CCDC74B: variants seen among roughly 807,000 people sequenced by gnomAD.
The protein encoded by CCDC74B is coiled-coil domain containing 74B, also known as coiled-coil domain-containing protein 74B.
CCDC74B carries 34 observed loss-of-function variants against 38.0 expected under a neutral mutation model. That is an observed-to-expected ratio of 0.89 (90% CI 0.68 to 1.19). CCDC74B has a LOEUF of 1.19. Among genes scored for constraint, CCDC74B ranks in the 50% most tolerant of loss-of-function variants. CCDC74B has a pLI of 0.00. For missense variants in CCDC74B, 358 were observed against 406.0 expected (o/e 0.88, Z 1.02); for synonymous variants, 132 against 170.4 (o/e 0.77, Z 1.76).
chr2:130,144,654 T>C, intron 1 of CCDC74B, 93 bp downstream of exon 1: 2 of 1,556,316 alleles, frequency 1.3e-6, no homozygotes, highest in Non-Finnish European at 1.7e-6. Flanking sequence ...AGGCGTGTGC[T>C]GGAGTTGATG....
intron 4 of CCDC74B, chr2:130,140,578 T>C: frequency 1.7e-6 from 1 of 573,030 alleles, no homozygotes. Context: ...GCCCTAAGGG[T>C]CAGATGGGCT....
rs527648742 is a variant in CCDC74B at position 130,145,104 on chromosome 2, A to G, written c.-108T>C. ...TGGAAACCGGGCGACGGAGGGCGCCAGGCGTTTGGCGGGGGCGGGGCCTGT... is the reference window on the plus strand; with the variant it reads ...TGGAAACCGGGCGACGGAGGGCGCCGGGCGTTTGGCGGGGGCGGGGCCTGT... On this transcript the variant is annotated 5_prime_UTR_variant, in exon 1 of 8. Coordinates refer to ENST00000409943, the MANE Select transcript of CCDC74B (RefSeq NM_001258307.2). 4.3e-6 allele frequency: 6 copies of G among 1,399,316 alleles called. No homozygotes were observed. Among genetic ancestry groups the G allele is most frequent in the Non-Finnish European group, 5.6e-6 (6 of 1,079,094 alleles). The allele number at this position is 1,399,316 out of a possible 1,614,324, so 86.7% of individuals were successfully genotyped here.
chr2:130,143,657 A>G (rs895485371), intron 1 of CCDC74B, among the ~76,000 whole-genome samples: 1 of 152,176 alleles, frequency 6.6e-6, no homozygotes, highest in Non-Finnish European at 1.5e-5. Context: ...TCCCGTGGGC[A>G]TCAGGGACTG....
chr2:130,140,039 C>T lies in CCDC74B; in HGVS notation c.736G>A (p.Glu246Lys). The T allele has an allele frequency of 6.2e-7, 1 of 1,607,602 alleles. No homozygotes were observed. Among genetic ancestry groups the T allele is most frequent in the Non-Finnish European group, 8.5e-7 (1 of 1,177,466 alleles). Reference sequence around the variant, plus strand: ...GGCACTCACCTGGGAAAGCTAGCTTCCTCCGGGACTGCCTGGGGCCTCTGG... The same window carrying T: ...GGCACTCACCTGGGAAAGCTAGCTTTCTCCGGGACTGCCTGGGGCCTCTGG... Reference protein sequence around the residue: ...GSQRPQAVPEEASFPRDQEAT... With the variant: ...GSQRPQAVPEKASFPRDQEAT... Residue 246 changes from glutamate (E) to lysine (K), a missense_variant, in exon 6 of 8, where the codon GAA becomes AAA. This residue lies in a region of CCDC74B where 213 missense variants were observed against 212.3 expected (regional missense o/e 1.00). Transcript: ENST00000409943.
At chr2:130,143,941 A>AG (rs1351128074) in intron 1 of CCDC74B, among the ~76,000 whole-genome samples, 6 of 120,308 alleles carry the variant, frequency 5.0e-5, no homozygotes, top group Admixed American at 1.9e-4. Flanking sequence ...GGAGGGAGAA[A>AG]GGGGGGCGTG....
rs536196687 is a variant in CCDC74B at position 130,142,407 on chromosome 2, C to T, written c.296-224G>A. 2.1e-5 allele frequency: 34 copies of T among 1,613,530 alleles called. No homozygotes were observed. In the South Asian group the frequency reaches 3.4e-4, roughly 16 times the overall value. On this transcript the variant is annotated intron_variant, in intron 2 of 7. Transcript: ENST00000409943. The stretch of plus-strand genomic sequence containing the variant: ...CTGGAAAGCAGGAGGGCTTGGGACA[C>T]ATGGAACAGCAGGTCCCGAGGGAGA...
intron 2 of CCDC74B, chr2:130,142,683 T>G: frequency 6.5e-7 from 1 of 1,544,386 alleles, no homozygotes; most frequent in Non-Finnish European, 8.7e-7. Context: ...GCCCCAAAGA[T>G]AACGGGAAGT....
chr2:130,140,285 T>C lies in CCDC74B; in HGVS notation c.572A>G (p.His191Arg). The C allele has an allele frequency of 4.3e-6, 7 of 1,612,812 alleles. No homozygotes were observed. Among genetic ancestry groups the C allele is most frequent in the Non-Finnish European group, 5.9e-6 (7 of 1,179,530 alleles). Residue 191 changes from histidine (H) to arginine (R), a missense_variant, in exon 5 of 8, where the codon CAC becomes CGC. Coordinates refer to ENST00000409943, the MANE Select transcript of CCDC74B (RefSeq NM_001258307.2). ...HQGRQMGAAA[H>R]PPMILPLPLR... ...GGGAAGGGGCAGGATCATTGGGGGG[T>C]GTGCCGCCGCCCCCATCTGCCTGCC...
chr2:130,144,632 C>T, intron 1 of CCDC74B, 115 bp downstream of exon 1: 1 of 1,545,418 alleles, frequency 6.5e-7, no homozygotes, highest in Non-Finnish European at 8.7e-7. Context: ...GTCCTGTGTT[C>T]CCCCTGAGCC....
Position 130,140,379 on chromosome 2 carries a change from A to C in CCDC74B, c.486-8T>G, listed in dbSNP as rs1191404697. On this transcript the variant is annotated splice_region_variant and splice_polypyrimidine_tract_variant and intron_variant, in intron 4 of 7. Coordinates refer to ENST00000409943, the MANE Select transcript of CCDC74B (RefSeq NM_001258307.2). ...GCCTCTGCTTTCTCCTTTCTGAAAC[A>C]GTCATTGCAGCAGCCAGAGGTGACC... is the stretch of plus-strand genomic sequence containing the variant. The C allele has an allele frequency of 6.4e-7, 1 of 1,556,116 alleles. No individual in the cohort carries two copies. Among genetic ancestry groups the C allele is most frequent in the Non-Finnish European group, 8.7e-7 (1 of 1,152,414 alleles).
At chr2:130,142,657 C>G (rs1413784355) in intron 2 of CCDC74B, 2 of 1,542,906 alleles carry the variant, frequency 1.3e-6, no homozygotes, top group Non-Finnish European at 1.7e-6. Flanking sequence ...CAGATGTCCT[C>G]CTGATGTCAG....
At chr2:130,141,541 C>G in intron 3 of CCDC74B, 1 of 605,508 alleles carries the variant, frequency 1.7e-6, no homozygotes, top group Non-Finnish European at 2.8e-6. Context: ...GGAAGCTGGC[C>G]CCATCTTGGG....
chr2:130,139,432 TTGAG>T lies in CCDC74B; in HGVS notation c.*119_*122del. Reference sequence around the variant, plus strand: ...TTGGAGATCAAGTACTTTATCTATCTTGAGTGTTATCTATCTTGGAATTTAGCCA... The same window carrying T: ...TTGGAGATCAAGTACTTTATCTATCTTGTTATCTATCTTGGAATTTAGCCA... On this transcript the variant is annotated 3_prime_UTR_variant, in exon 8 of 8. Transcript: ENST00000409943. 1 of 1,228,348 alleles carries T rather than the reference TTGAG, an allele frequency of 8.1e-7. No homozygotes were observed. Among genetic ancestry groups the T allele is most frequent in the Non-Finnish European group, 1.1e-6 (1 of 892,512 alleles). 76.1% of individuals were successfully genotyped at this position (1,228,348 alleles called of 1,614,324 possible).
chr2:130,145,099 G>A lies in CCDC74B; in HGVS notation c.-103C>T. 7.1e-7 allele frequency: 1 copy of A among 1,400,452 alleles called. No individual in the cohort carries two copies. The highest frequency in any genetic ancestry group is 2.8e-5 in the East Asian group (1 of 35,592). The allele number at this position is 1,400,452 out of a possible 1,614,324, so 86.8% of individuals were successfully genotyped here. A position where few individuals can be genotyped will look rare whatever the true frequency, so the allele number is the denominator to read the frequency against. The stretch of plus-strand genomic sequence containing the variant: ...CACCATGGAAACCGGGCGACGGAGG[G>A]CGCCAGGCGTTTGGCGGGGGCGGGG... On this transcript the variant is annotated 5_prime_UTR_variant, in exon 1 of 8. Coordinates refer to ENST00000409943, the MANE Select transcript of CCDC74B (RefSeq NM_001258307.2).
At chr2:130,141,901 T>G in intron 3 of CCDC74B, 6 of 899,494 alleles carry the variant, frequency 6.7e-6, no homozygotes, top group Non-Finnish European at 9.7e-6. Flanking sequence ...CACCCTGGGG[T>G]GCCTGCTGTG....
rs1406640938 is a variant in CCDC74B at position 130,145,078 on chromosome 2, A to G, written c.-82T>C. ...CGCCCTAGCCTGGCGCCCCGTCACCATGGAAACCGGGCGACGGAGGGCGCC... is the reference window on the plus strand; with the variant it reads ...CGCCCTAGCCTGGCGCCCCGTCACCGTGGAAACCGGGCGACGGAGGGCGCC... On this transcript the variant is annotated 5_prime_UTR_variant, in exon 1 of 8. The change abolishes an upstream ATG in the 5' untranslated region. Transcript: ENST00000409943. 1.2e-5 allele frequency: 17 copies of G among 1,391,750 alleles called. No individual in the cohort carries two copies. Among genetic ancestry groups the G allele is most frequent in the African/African-American group, 1.5e-5 (1 of 65,000 alleles). 86.2% of individuals were successfully genotyped at this position (1,391,750 alleles called of 1,614,324 possible). A position where few individuals can be genotyped will look rare whatever the true frequency, so the allele number is the denominator to read the frequency against.
Position 130,139,515 on chromosome 2 carries a change from T to G in CCDC74B, c.*40A>C. 6.2e-7 allele frequency: 1 copy of G among 1,607,878 alleles called. No homozygotes were observed. Among genetic ancestry groups the G allele is most frequent in the African/African-American group, 1.3e-5 (1 of 74,882 alleles). Reference sequence around the variant, plus strand: ...ATGCTATAGAGAGCCAATCTCCAGCTGCAGGTTGGTGGGCCTGGCACTGAC... The same window carrying G: ...ATGCTATAGAGAGCCAATCTCCAGCGGCAGGTTGGTGGGCCTGGCACTGAC... On this transcript the variant is annotated 3_prime_UTR_variant, in exon 8 of 8. Transcript: ENST00000409943.
chr2:130,139,922 T>C lies in CCDC74B; in HGVS notation c.778A>G (p.Lys260Glu). The C allele has an allele frequency of 6.2e-7, 1 of 1,612,212 alleles. No homozygotes were observed. The highest frequency in any genetic ancestry group is 1.1e-5 in the South Asian group (1 of 90,910). The change falls in exon 7 of 8, where the codon AAG (lysine) becomes GAG (glutamate). Residue 260 changes from lysine (K) to glutamate (E), a missense_variant. Physicochemically the swap from Lys to Glu is moderately conservative, Grantham distance 56. This residue lies in a region of CCDC74B where 213 missense variants were observed against 212.3 expected (regional missense o/e 1.00). Transcript: ENST00000409943. ...PRDQEATHFPKVSTKSLSKKC... is the reference protein window; with the variant it reads ...PRDQEATHFPEVSTKSLSKKC... ...TTGGAGAGGCTCTTGGTGGAGACCTTGGGGAAATGCGTGGCTTCTTGGTCC... is the reference window on the plus strand; with the variant it reads ...TTGGAGAGGCTCTTGGTGGAGACCTCGGGGAAATGCGTGGCTTCTTGGTCC...
rs139642638 is a variant in CCDC74B at position 130,143,461 on chromosome 2, C to T, written c.251-148G>A. On this transcript the variant is annotated intron_variant, in intron 1 of 7. Coordinates refer to ENST00000409943, the MANE Select transcript of CCDC74B (RefSeq NM_001258307.2). ...GGCCCTGCCCCATGGATCCCGCTCT[C>T]CACCATGCCTTTGTCGTGGGTGTCA... The T allele has an allele frequency of 2.8e-3, 3,061 of 1,086,032 alleles. 26 individuals carry two copies. In the Middle Eastern group the frequency reaches 0.033, roughly 12 times the overall value. The allele number at this position is 1,086,032 out of a possible 1,614,324, so 67.3% of individuals were successfully genotyped here.
Sources: allele counts gnomAD v4.1 joint callset (sites outside exome capture counted in the v4.1 genomes callset), GRCh38; gene constraint gnomAD v4.1.1; regional missense constraint gnomAD v4.1.1; transcripts MANE v1.5; gene names NCBI Gene and HGNC (gene_info 2026-07-23, HGNC 2026-07-21).